The following PPEF1 variants were observed in gnomAD, a reference collection of about 807,000 sequenced individuals.
PPEF1 encodes serine/threonine-protein phosphatase with EF-hands 1.
PPEF1 carries 12 observed loss-of-function variants against 53.3 expected under a neutral mutation model. That is an observed-to-expected ratio of 0.23 (90% CI 0.14 to 0.36). The LOEUF is 0.36. Among genes scored for constraint, PPEF1 ranks in the 10% least tolerant of loss-of-function variants. The probability of loss-of-function intolerance (pLI) is 1.00; values close to 1 mark genes in which losing one functional copy is unlikely to be tolerated. For synonymous variants in PPEF1, 165 were observed against 176.7 expected (o/e 0.93, Z 0.52); for missense variants, 334 against 490.4 (o/e 0.68, Z 3.01).
chrX:18,771,715 C>T (rs1211377102), intron 6 of PPEF1, among the ~76,000 whole-genome samples: 3 of 111,650 alleles, frequency 2.7e-5, no homozygotes, highest in Non-Finnish European at 5.6e-5. Context: ...AACTTAACAA[C>T]TAATAGCCTA....
intron 1 of PPEF1, among the ~76,000 whole-genome samples, chrX:18,719,874 C>T (rs1210980526): frequency 2.7e-5 from 3 of 111,845 alleles, no homozygotes; most frequent in Non-Finnish European, 5.6e-5. Flanking sequence ...AGAATGTATA[C>T]ACAGTCTCAA....
chrX:18,687,685 CTTTT>C (rs370867326), intron 3 of PPEF1, among the ~76,000 whole-genome samples: 1 of 89,152 alleles, frequency 1.1e-5, no homozygotes, highest in Non-Finnish European at 2.1e-5. Flanking sequence ...AAATATTCTT[CTTTT>C]TTTTTTTTTT....
At chrX:18,822,762 A>G (rs1258714664) in intron 13 of PPEF1, among the ~76,000 whole-genome samples, 1 of 111,361 alleles carries the variant, frequency 9.0e-6, no homozygotes, top group Admixed American at 9.6e-5. Context: ...ATGGGTGGGT[A>G]TTACTGTGTT....
intron 6 of PPEF1, among the ~76,000 whole-genome samples, chrX:18,765,390 G>A (rs1284125151): frequency 2.7e-5 from 3 of 111,630 alleles, no homozygotes; most frequent in Non-Finnish European, 5.6e-5. Flanking sequence ...TGTACAACAC[G>A]AGGACTATAG....
intron 1 of PPEF1, among the ~76,000 whole-genome samples, chrX:18,715,271 C>G (rs1473713654): frequency 9.0e-6 from 1 of 111,146 alleles, no homozygotes; most frequent in Non-Finnish European, 1.9e-5. Context: ...GTGGCTCACA[C>G]CTGTAATCCC....
chrX:18,782,147 A>G (rs1313038296), intron 7 of PPEF1, among the ~76,000 whole-genome samples: 1 of 111,540 alleles, frequency 9.0e-6, no homozygotes, highest in Non-Finnish European at 1.9e-5. Flanking sequence ...TTCCCCAGCT[A>G]TACTATAAGC....
chrX:18,714,341 G>A (rs1293427384), intron 1 of PPEF1, among the ~76,000 whole-genome samples: 4 of 97,139 alleles, frequency 4.1e-5, no homozygotes, highest in Non-Finnish European at 5.9e-5. Context: ...GCGTGATCTC[G>A]GCTCACTGCA....
At chrX:18,749,683 A>G (rs2045399670) in intron 3 of PPEF1, 109 bp from the exon 4 acceptor site, 2 of 543,696 alleles carry the variant, frequency 3.7e-6, no homozygotes, top group African/African-American at 4.6e-5. Context: ...CATTTAGCAC[A>G]GTGCCTTACA....
upstream of PPEF1, among the ~76,000 whole-genome samples, chrX:18,707,064 T>C (rs1348611666): frequency 9.1e-6 from 1 of 109,730 alleles, no homozygotes; most frequent in East Asian, 2.9e-4. Flanking sequence ...CCTGACCTCG[T>C]AATCCGCCCG....
intron 1 of PPEF1, among the ~76,000 whole-genome samples, chrX:18,709,086 T>C: frequency 8.9e-6 from 1 of 112,407 alleles, no homozygotes; most frequent in East Asian, 2.8e-4. Context: ...TTCTTTCAAA[T>C]ACCTGTGATT....
At chrX:18,708,191 C>T (rs1272875093) in intron 1 of PPEF1, among the ~76,000 whole-genome samples, 1 of 112,257 alleles carries the variant, frequency 8.9e-6, no homozygotes, top group Admixed American at 9.5e-5. Context: ...TTAGTAGCAT[C>T]ATTGAATTTT....
At chrX:18,765,433 C>T (rs2045746576) in intron 6 of PPEF1, among the ~76,000 whole-genome samples, 1 of 110,804 alleles carries the variant, frequency 9.0e-6, no homozygotes, top group African/African-American at 3.3e-5. Context: ...GGGATTCATG[C>T]CAAATGAGTA....
intron 5 of PPEF1, among the ~76,000 whole-genome samples, chrX:18,758,816 C>T (rs142655056): frequency 0.018 from 2,045 of 111,097 alleles, 54 homozygotes; most frequent in African/African-American, 0.063. Context: ...GAATGGGATC[C>T]GCTCCCCTGT....
At chrX:18,748,511 G>T (rs1408397025) in intron 3 of PPEF1, among the ~76,000 whole-genome samples, 1 of 112,476 alleles carries the variant, frequency 8.9e-6, no homozygotes, top group African/African-American at 3.2e-5. Flanking sequence ...TTATCCGCAA[G>T]AATATTGTGT....
At chrX:18,826,509 A>G (rs1199854997) in intron 15 of PPEF1, among the ~76,000 whole-genome samples, 3 of 88,748 alleles carry the variant, frequency 3.4e-5, no homozygotes, top group Non-Finnish European at 6.3e-5. Flanking sequence ...GCTCACCACA[A>G]CCTCTGCCTC....
upstream of PPEF1, among the ~76,000 whole-genome samples, chrX:18,680,499 G>T (rs1339201349): frequency 1.0e-5 from 1 of 97,563 alleles, no homozygotes; most frequent in African/African-American, 3.9e-5. Context: ...CGTGATCTCG[G>T]TTCACTGCAA....
At chrX:18,785,591 T>C (rs2046182242) in intron 9 of PPEF1, among the ~76,000 whole-genome samples, 1 of 109,910 alleles carries the variant, frequency 9.1e-6, no homozygotes, top group Non-Finnish European at 1.9e-5. Context: ...AAAAAAAAAA[T>C]CCCAGTTGCA....
intron 10 of PPEF1, among the ~76,000 whole-genome samples, chrX:18,801,074 T>C (rs760044524): frequency 1.8e-5 from 2 of 112,203 alleles, no homozygotes; most frequent in South Asian, 7.5e-4. Flanking sequence ...GCAAGTGTTA[T>C]TTTTGTCATA....
At chrX:18,766,081 A>G (rs5909233) in intron 6 of PPEF1, among the ~76,000 whole-genome samples, 44,318 of 102,683 alleles carry the variant, frequency 0.43, 8,031 homozygotes, top group Non-Finnish European at 0.53. Flanking sequence ...AAAAAAAAAA[A>G]AAAGAAAAAA....
Sources: gnomAD v4.1 joint callset for allele counts (sites outside exome capture counted in the v4.1 genomes callset) on GRCh38, gnomAD v4.1.1 for gene constraint, MANE v1.5 for transcripts, NCBI Gene and HGNC (gene_info 2026-07-23, HGNC 2026-07-21) for gene names.